The following ANTXR1 variants were observed in gnomAD, a reference collection of about 807,000 sequenced individuals.
ANTXR1 encodes the protein ANTXR cell adhesion molecule 1, also known as anthrax toxin receptor 1.
Under a neutral mutation model 78.1 loss-of-function variants are expected in ANTXR1, and 19 were observed. That is an observed-to-expected ratio of 0.24 (90% CI 0.17 to 0.36). The LOEUF (loss-of-function observed/expected upper bound fraction) is 0.36. Among genes scored for constraint, ANTXR1 ranks in the 10% least tolerant of loss-of-function variants. The pLI is 1.00. For missense variants in ANTXR1, 518 were observed against 718.6 expected, an observed-to-expected ratio of 0.72 and a Z score of 3.19; for synonymous variants, 273 against 260.5, an observed-to-expected ratio of 1.05 and a Z score of -0.46.
At chr2:69,096,102 C>T (rs940409106) in intron 9 of ANTXR1, among the ~76,000 whole-genome samples, 2 of 151,702 alleles carry the variant, frequency 1.3e-5, no homozygotes, top group African/African-American at 4.8e-5. Flanking sequence ...ACTAAAAATA[C>T]AAAAAATGAG....
intron 12 of ANTXR1, among the ~76,000 whole-genome samples, chr2:69,139,542 T>G (rs1372840587): frequency 6.6e-6 from 1 of 152,238 alleles, no homozygotes; most frequent in Admixed American, 6.5e-5. Flanking sequence ...TTACACAGTT[T>G]AATGACATTG....
chr2:69,145,256 G>A (rs547421271), intron 12 of ANTXR1: 1 of 1,484,392 alleles, frequency 6.7e-7, no homozygotes, highest in South Asian at 1.2e-5. Flanking sequence ...GTCCCTGCTA[G>A]GCCCTTCTAA....
intron 8 of ANTXR1, among the ~76,000 whole-genome samples, chr2:69,087,290 A>T (rs1164374431): frequency 6.6e-6 from 1 of 152,088 alleles, no homozygotes; most frequent in Non-Finnish European, 1.5e-5. Flanking sequence ...TGCCTGTGTG[A>T]TCTCATTTAA....
chr2:69,019,649 A>G (rs1573772277), intron 1 of ANTXR1, among the ~76,000 whole-genome samples: 1 of 152,174 alleles, frequency 6.6e-6, no homozygotes, highest in African/African-American at 2.4e-5. Context: ...TGTGTCATGG[A>G]GTTTTGTTGT....
chr2:69,242,638 G>T (rs1347140162), intron 17 of ANTXR1, among the ~76,000 whole-genome samples: 1 of 152,186 alleles, frequency 6.6e-6, no homozygotes, highest in Non-Finnish European at 1.5e-5. Flanking sequence ...CAGGATGAGG[G>T]TTTCCCTTCA....
At chr2:69,053,428 C>T (rs368925417) in intron 3 of ANTXR1, among the ~76,000 whole-genome samples, 64 of 152,232 alleles carry the variant, frequency 4.2e-4, no homozygotes, top group African/African-American at 1.4e-3. Flanking sequence ...TTCACTTCCC[C>T]GCCATCCCTC....
intron 10 of ANTXR1, among the ~76,000 whole-genome samples, chr2:69,109,406 C>G (rs186826756): frequency 1.3e-5 from 2 of 152,108 alleles, no homozygotes; most frequent in African/African-American, 4.8e-5. Flanking sequence ...AATAAACACA[C>G]AAGAATAGCC....
chr2:69,159,413 A>T (rs879795511), intron 13 of ANTXR1, among the ~76,000 whole-genome samples: 1 of 152,170 alleles, frequency 6.6e-6, no homozygotes, highest in Admixed American at 6.5e-5. Context: ...ATCACTATTT[A>T]AAAAAATAAA....
At chr2:69,032,974 T>G (rs1573790218) in intron 1 of ANTXR1, among the ~76,000 whole-genome samples, 1 of 152,230 alleles carries the variant, frequency 6.6e-6, no homozygotes, top group East Asian at 1.9e-4. Context: ...ATTTCTATTC[T>G]ATTCTATTTT....
intron 17 of ANTXR1, among the ~76,000 whole-genome samples, chr2:69,238,886 A>G (rs1675834292): frequency 6.6e-6 from 1 of 152,178 alleles, no homozygotes; most frequent in African/African-American, 2.4e-5. Context: ...CATATTTTTA[A>G]CCATCTCCAA....
At chr2:69,171,556 C>T (rs1370911867) in intron 14 of ANTXR1, among the ~76,000 whole-genome samples, 2 of 152,230 alleles carry the variant, frequency 1.3e-5, no homozygotes, top group Non-Finnish European at 2.9e-5. Context: ...AGGCAAATAA[C>T]ATTCCCTCCC....
At chr2:69,140,632 G>A (rs987864079) in intron 12 of ANTXR1, among the ~76,000 whole-genome samples, 33 of 152,174 alleles carry the variant, frequency 2.2e-4, no homozygotes, top group African/African-American at 7.5e-4. Flanking sequence ...TCTTTTGGGG[G>A]CCTATAAACT....
chr2:69,198,097 T>G (rs1013028115), intron 17 of ANTXR1, among the ~76,000 whole-genome samples: 2 of 152,230 alleles, frequency 1.3e-5, no homozygotes, highest in African/African-American at 2.4e-5. Flanking sequence ...GCCAAATCAT[T>G]GTGCACATTC....
chr2:69,035,373 C>A (rs774174017), intron 1 of ANTXR1, among the ~76,000 whole-genome samples: 1 of 152,184 alleles, frequency 6.6e-6, no homozygotes, highest in Non-Finnish European at 1.5e-5. Context: ...CTCTTTCTTT[C>A]TCCAAGAGGT....
chr2:69,221,568 G>A (rs972657558), intron 17 of ANTXR1, among the ~76,000 whole-genome samples: 2 of 152,048 alleles, frequency 1.3e-5, no homozygotes, highest in African/African-American at 4.8e-5. Flanking sequence ...GTGGCTGGGG[G>A]TGACCCTGGA....
rs1671463001 is a variant in ANTXR1 at position 69,029,559 on chromosome 2, CA to C, written c.153-10482del. 2.7e-5 allele frequency among the ~76,000 whole-genome samples: 4 copies of C among 150,078 alleles called. No homozygotes were observed. In the South Asian group the frequency reaches 8.4e-4, roughly 32 times the overall value. ...AATAGAAAAGTCTACATTCTTCCAACAAAGAAAAAAAAATAGGCTCAACAAA... is the reference window on the plus strand; with the variant it reads ...AATAGAAAAGTCTACATTCTTCCAACAAGAAAAAAAAATAGGCTCAACAAA... On this transcript the variant is annotated intron_variant, in intron 1 of 17. Coordinates refer to ENST00000303714, the MANE Select transcript of ANTXR1 (RefSeq NM_032208.3).
At chr2:69,141,159 G>T (rs1394042030) in intron 12 of ANTXR1, among the ~76,000 whole-genome samples, 1 of 152,156 alleles carries the variant, frequency 6.6e-6, no homozygotes, top group Non-Finnish European at 1.5e-5. Flanking sequence ...GTTTGTACAG[G>T]GTTGTTCAAG....
chr2:69,160,064 T>C lies in ANTXR1; in HGVS notation c.1047+7800T>C, dbSNP rs1673636981. Among the ~76,000 whole-genome samples, 2 of 152,224 alleles carry C rather than the reference T, an allele frequency of 1.3e-5. 1 individual carries two copies. Among genetic ancestry groups the C allele is most frequent in the South Asian group, 4.1e-4 (2 of 4,830 alleles). Reference sequence around the variant, plus strand: ...GGACAGGCAACTTCTGATGCAGGCATCTTGGGCCTAATACTGATTGTGCCT... The same window carrying C: ...GGACAGGCAACTTCTGATGCAGGCACCTTGGGCCTAATACTGATTGTGCCT... On this transcript the variant is annotated intron_variant, in intron 13 of 17. Transcript: ENST00000303714.
At chr2:69,135,187 G>C (rs1257758385) in intron 12 of ANTXR1, 2 of 194,702 alleles carry the variant, frequency 1.0e-5, no homozygotes, top group Non-Finnish European at 2.2e-5. Flanking sequence ...GATGATTTGT[G>C]CTGATTTGTT....
Sources: gnomAD v4.1 joint callset for allele counts (sites outside exome capture counted in the v4.1 genomes callset) on GRCh38, gnomAD v4.1.1 for gene constraint, MANE v1.5 for transcripts, NCBI Gene and HGNC (gene_info 2026-07-23, HGNC 2026-07-21) for gene names.